Variants in PMPCB observed in about 807,000 individuals in gnomAD.
PMPCB encodes peptidase, mitochondrial processing subunit beta.
PMPCB carries 46 observed loss-of-function variants against 61.5 expected under a neutral mutation model. That is an observed-to-expected ratio of 0.75 (90% CI 0.59 to 0.96). The LOEUF (loss-of-function observed/expected upper bound fraction) is 0.96. PMPCB is among the 40% of genes least tolerant of loss of function. The pLI is 0.00. For synonymous variants in PMPCB, 191 were observed against 201.6 expected (o/e 0.95, Z 0.44); for missense variants, 590 against 602.4 (o/e 0.98, Z 0.22).
downstream of PMPCB, among the ~76,000 whole-genome samples, chr7:103,332,249 C>G (rs1819007413): frequency 1.3e-5 from 2 of 152,208 alleles, no homozygotes; most frequent in African/African-American, 4.8e-5. Context: ...TCATGATCCG[C>G]CCGCCTTGGC....
At chr7:103,309,298 T>C (rs1817674751) in intron 8 of PMPCB, 1 of 394,058 alleles carries the variant, frequency 2.5e-6, no homozygotes, top group Admixed American at 4.4e-5. Context: ...AGTTTATTAG[T>C]GGCAAAATTT....
rs1450179944 is a variant in PMPCB at position 103,310,495 on chromosome 7, GTAATT to G, written c.1154+24_1154+28del. 1 of 1,568,016 alleles carries G rather than the reference GTAATT, an allele frequency of 6.4e-7. No individual in the cohort carries two copies. The highest frequency in any genetic ancestry group is 1.4e-5 in the African/African-American group (1 of 72,864). On this transcript the variant is annotated intron_variant, in intron 9 of 12. Transcript: ENST00000249269. ...AGAATGGTGAGAAAAATAGCTTTAA[GTAATT>G]TAAATTTTGCCTTTAATTCGTTTTA...
At chr7:103,339,530 C>T in the PMPCB span, among the ~76,000 whole-genome samples, 1 of 152,186 alleles carries the variant, frequency 6.6e-6, no homozygotes, top group Non-Finnish European at 1.5e-5. Flanking sequence ...ACTGTAATCT[C>T]TTGCCTTCCC....
At position 103,310,447 on chromosome 7, in the gene PMPCB, G is replaced by C. The variant is rs747559199; in HGVS notation, c.1126G>C (p.Asp376His). ...YMVCESSTVA[D>H]MLHVVQKEWM... ...GGTTTGTGAATCATCCACTGTTGCA[G>C]ACATGCTACATGTTGTTCAAAAAGA... Residue 376 changes from aspartate (D) to histidine (H), a missense_variant, in exon 9 of 13, where the codon GAC becomes CAC. Asp to His is a moderately conservative substitution (Grantham distance 81). Coordinates refer to ENST00000249269, the MANE Select transcript of PMPCB (RefSeq NM_004279.3). 5 of 1,611,818 alleles carry C rather than the reference G, an allele frequency of 3.1e-6. No homozygotes were observed. The African/African-American group carries it at 6.7e-5, about 22-fold the overall frequency.
chr7:103,315,743 G>A (rs369450606), downstream of PMPCB: 40 of 1,551,544 alleles, frequency 2.6e-5, no homozygotes, highest in Non-Finnish European at 3.2e-5. Context: ...CATTTTCTAC[G>A]TTTAGAAAAG....
At chr7:103,338,712 C>A in the PMPCB span, among the ~76,000 whole-genome samples, 4 of 151,804 alleles carry the variant, frequency 2.6e-5, no homozygotes, top group African/African-American at 9.7e-5. Context: ...GAGTTTGAGA[C>A]CAGCCTGGCT....
At chr7:103,319,301 G>C (rs564208776), downstream of PMPCB, among the ~76,000 whole-genome samples, 11 of 152,284 alleles carry the variant, frequency 7.2e-5, no homozygotes, top group Non-Finnish European at 1.3e-4. Context: ...GCCAGGTGTG[G>C]TGTTGTGCGC....
chr7:103,341,985 G>T, the PMPCB span: 3 of 1,482,574 alleles, frequency 2.0e-6, no homozygotes, highest in Non-Finnish European at 2.7e-6. Context: ...AGAGGCTTCA[G>T]TGTATCGCAT....
At chr7:103,341,750 C>A in the PMPCB span, 1 of 1,523,556 alleles carries the variant, frequency 6.6e-7, no homozygotes, top group South Asian at 1.3e-5. Flanking sequence ...ACAAAATATT[C>A]AGATATTAAA....
At chr7:103,328,993 A>T in exon 13 of PMPCB, 1 of 1,278,874 alleles carries the variant, frequency 7.8e-7, no homozygotes, top group Non-Finnish European at 1.0e-6. Context: ...CAAAAGGCAA[A>T]CTATTTCATA....
At chr7:103,327,116 A>C (rs1818748231) in intron 12 of PMPCB, among the ~76,000 whole-genome samples, 1 of 152,228 alleles carries the variant, frequency 6.6e-6, no homozygotes, top group Non-Finnish European at 1.5e-5. Context: ...ATCACATTTA[A>C]GGAAACATTT....
chr7:103,303,705 C>A (rs1185145715), intron 4 of PMPCB, 137 bp from the exon 5 acceptor site: 2 of 601,742 alleles, frequency 3.3e-6, no homozygotes, highest in Admixed American at 6.7e-5. Context: ...TTAAGTATAT[C>A]TGATGTTTTT....
At chr7:103,323,198 A>G (rs1818516018) in intron 12 of PMPCB, among the ~76,000 whole-genome samples, 1 of 152,152 alleles carries the variant, frequency 6.6e-6, no homozygotes, top group African/African-American at 2.4e-5. Context: ...CCAAAGTGCT[A>G]GGATTACAGG....
chr7:103,344,726 G>A, the PMPCB span: 1 of 1,234,950 alleles, frequency 8.1e-7, no homozygotes, highest in Non-Finnish European at 1.2e-6. Context: ...CTCGCGCCTT[G>A]GCTCTAAGAC....
intron 12 of PMPCB, chr7:103,327,355 T>C: frequency 7.7e-7 from 1 of 1,292,922 alleles, no homozygotes; most frequent in Non-Finnish European, 1.0e-6. Flanking sequence ...AGGATGAGCT[T>C]CTGATAAGAA....
At chr7:103,326,783 T>G in intron 12 of PMPCB, 1 of 1,255,794 alleles carries the variant, frequency 8.0e-7, no homozygotes. Flanking sequence ...AAGTCATTAA[T>G]TTTCATATTT....
Position 103,300,180 on chromosome 7 carries a change from C to T in PMPCB, c.330C>T (p.Gly110=). 6.2e-7 allele frequency: 1 copy of T among 1,608,514 alleles called. No homozygotes were observed. Among genetic ancestry groups the T allele is most frequent in the South Asian group, 1.1e-5 (1 of 89,822 alleles). The stretch of plus-strand genomic sequence containing the variant: ...TGTTTTTCCTCTTTTATTTCAAGGG[C>T]ACCAAGAAGAGATCCCAGTTAGATC... ...AHFLEHMAFK[G]TKKRSQLDLE... The change falls in exon 4 of 13, where the codon GGC becomes GGT. Residue 110 remains glycine (G), a splice_region_variant and synonymous_variant. Transcript: ENST00000249269.
At chr7:103,297,703 C>A in intron 1 of PMPCB, 145 bp downstream of exon 1, 1 of 1,535,850 alleles carries the variant, frequency 6.5e-7, no homozygotes, top group Middle Eastern at 1.7e-4. Context: ...CGGCCTGGGG[C>A]TGCTGAACTG....
chr7:103,320,654 G>A (rs1035971599), intron 12 of PMPCB, among the ~76,000 whole-genome samples: 1 of 151,128 alleles, frequency 6.6e-6, no homozygotes, highest in African/African-American at 2.4e-5. Flanking sequence ...TGAGGCAGGA[G>A]CATGGCGTGA....
Sources: gnomAD v4.1 joint callset for allele counts (sites outside exome capture counted in the v4.1 genomes callset) on GRCh38, gnomAD v4.1.1 for gene constraint, MANE v1.5 for transcripts, NCBI Gene and HGNC (gene_info 2026-07-23, HGNC 2026-07-21) for gene names.